The following BOD1L1 variants were observed in gnomAD, a reference collection of about 807,000 sequenced individuals.
BOD1L1 encodes biorientation of chromosomes in cell division 1 like 1.
A neutral mutation model predicts 240.7 loss-of-function variants in BOD1L1; 86 were observed. The ratio of observed to expected loss-of-function variants is 0.36; its 90% CI spans 0.30 to 0.43. BOD1L1 has a LOEUF of 0.43. BOD1L1 is among the 20% of genes least tolerant of loss of function. The probability of loss-of-function intolerance (pLI) is 1.00; values close to 1 mark genes in which losing one functional copy is unlikely to be tolerated. For missense variants in BOD1L1, 3,554 were observed against 3,643.5 expected (o/e 0.98, Z 0.63); for synonymous variants, 1,268 against 1,272.3 (o/e 1.00, Z 0.07).
intron 5 of BOD1L1, among the ~76,000 whole-genome samples, chr4:13,612,215 T>C (rs916221351): frequency 6.6e-6 from 1 of 152,226 alleles, no homozygotes; most frequent in African/African-American, 2.4e-5. Flanking sequence ...AATACCTCTA[T>C]GGTGTTAAAA....
rs141505337 is a variant in BOD1L1, at chr4:13,614,277, T to C, written c.1093A>G (p.Lys365Glu). ...TQKVKDEKQAKEKEVESLKLP... is the reference protein window; with the variant it reads ...TQKVKDEKQAEEKEVESLKLP... ...TTTAAACTCTCTACTTCTTTTTCCT[T>C]TGCTTGTTTTTCATCTTTAACTTTC... The change falls in exon 4 of 26, where the codon AAG becomes GAG. Residue 365 changes from lysine (K) to glutamate (E), a missense_variant. Lys to Glu is a moderately conservative substitution (Grantham distance 56). Around this residue, in one of 2 missense-constraint regions of BOD1L1, gnomAD observed 3,393 missense variants for 3,427.1 expected, o/e 0.99. Transcript: ENST00000040738. The C allele has an allele frequency of 2.6e-5, 40 of 1,546,752 alleles. No homozygotes were observed. The highest frequency in any genetic ancestry group is 3.1e-5 in the Non-Finnish European group (35 of 1,145,740).
At position 13,604,035 on chromosome 4, in the gene BOD1L1, C is replaced by G; in HGVS notation, c.2865G>C (p.Gln955His). 1 of 1,613,904 alleles carries G rather than the reference C, an allele frequency of 6.2e-7. No individual in the cohort carries two copies. Among genetic ancestry groups the G allele is most frequent in the Non-Finnish European group, 8.5e-7 (1 of 1,179,864 alleles). ...GTTTGTCTTCAACTTTAGACTTACG[C>G]TGTTTTTCTGAGTCATTTTCTTCTG... Reference protein sequence around the residue: ...KNTEENDSEKQRKSKVEDKPF... With the variant: ...KNTEENDSEKHRKSKVEDKPF... The change falls in exon 10 of 26, where the codon CAG becomes CAC. Residue 955 changes from glutamine (Q) to histidine (H), a missense_variant. By Grantham distance (24) the Gln-to-His change is conservative (BLOSUM62 0). Around this residue, in one of 2 missense-constraint regions of BOD1L1, gnomAD observed 3,393 missense variants for 3,427.1 expected, o/e 0.99. Coordinates refer to ENST00000040738, the MANE Select transcript of BOD1L1 (RefSeq NM_148894.3).
rs73112011 is a variant in BOD1L1 at position 13,589,326 on chromosome 4, T to C, written c.8210-534A>G. ...AATTACAAGTACACTACATAAGCAC[T>C]GGGAAAGGTATGAGAACATACACAG... On this transcript the variant is annotated intron_variant, in intron 14 of 25. Transcript: ENST00000040738. Among the ~76,000 whole-genome samples the C allele has an allele frequency of 7.0e-3, 1,064 of 152,242 alleles. 11 individuals are homozygous for C. Among genetic ancestry groups the C allele is most frequent in the Middle Eastern group, 0.027 (8 of 294 alleles).
At chr4:13,621,570 A>G (rs1717038616) in intron 1 of BOD1L1, among the ~76,000 whole-genome samples, 1 of 152,204 alleles carries the variant, frequency 6.6e-6, no homozygotes, top group African/African-American at 2.4e-5. Context: ...ACTACATTGT[A>G]TTTTCGGAAG....
At chr4:13,586,316 T>G in intron 17 of BOD1L1, 80 bp downstream of exon 17, 1 of 695,092 alleles carries the variant, frequency 1.4e-6, no homozygotes, top group Non-Finnish European at 2.4e-6. Flanking sequence ...GAAAAAAATA[T>G]TATACTAAGT....
Position 13,600,466 on chromosome 4 carries a change from G to A in BOD1L1, c.6434C>T (p.Ser2145Phe), listed in dbSNP as rs1370913132. The change falls in exon 10 of 26, where the codon TCC (serine) becomes TTC (phenylalanine). Residue 2145 changes from serine (S) to phenylalanine (F), a missense_variant. Around this residue, in one of 2 missense-constraint regions of BOD1L1, gnomAD observed 3,393 missense variants for 3,427.1 expected, o/e 0.99. Coordinates refer to ENST00000040738, the MANE Select transcript of BOD1L1 (RefSeq NM_148894.3). ...TTCGAATTCTTCCCCTATGCTTGTG[G>A]AAATCATGGCACACTCATCTTTCTC... is the stretch of plus-strand genomic sequence containing the variant. ...SEEKDECAMI[S>F]TSIGEEFELP... 1 of 1,613,924 alleles carries A rather than the reference G, an allele frequency of 6.2e-7. No individual in the cohort carries two copies. Among genetic ancestry groups the A allele is most frequent in the Non-Finnish European group, 8.5e-7 (1 of 1,179,906 alleles).
chr4:13,620,093 T>C, intron 1 of BOD1L1, 26 bp from the exon 2 acceptor site: 1 of 1,578,208 alleles, frequency 6.3e-7, no homozygotes, highest in Non-Finnish European at 8.6e-7. Context: ...CGAAGGTAAG[T>C]CTTCAAGGTT....
At chr4:13,621,837 T>A (rs1365145300) in intron 1 of BOD1L1, among the ~76,000 whole-genome samples, 3 of 151,710 alleles carry the variant, frequency 2.0e-5, no homozygotes, top group Non-Finnish European at 4.4e-5. Context: ...TGTCCATTTA[T>A]CCAAAATCGA....
intron 14 of BOD1L1, 94 bp downstream of exon 14, chr4:13,590,292 G>A: frequency 1.7e-6 from 1 of 577,920 alleles, no homozygotes; most frequent in Non-Finnish European, 2.9e-6. Flanking sequence ...GAGAAAGTAT[G>A]TAAAATAATT....
At position 13,627,254 on chromosome 4, in the gene BOD1L1, C is replaced by T. The variant is rs116926615; in HGVS notation, c.243+91G>A. 9 of 614,734 alleles carry T rather than the reference C, an allele frequency of 1.5e-5. No homozygotes were observed. In the East Asian group the frequency reaches 4.7e-4, roughly 32 times the overall value. The allele number at this position is 614,734 out of a possible 1,614,324, so 38.1% of individuals were successfully genotyped here. On this transcript the variant is annotated intron_variant, in intron 1 of 25. Coordinates refer to ENST00000040738, the MANE Select transcript of BOD1L1 (RefSeq NM_148894.3). Reference sequence around the variant, plus strand: ...GCTTTGCACAGTCCGTGGCACACAGCTGCAGCTCCAAGAGGAAGCCACTGC... The same window carrying T: ...GCTTTGCACAGTCCGTGGCACACAGTTGCAGCTCCAAGAGGAAGCCACTGC...
rs936638915 is a variant in BOD1L1 at position 13,603,697 on chromosome 4, C to A, written c.3203G>T (p.Arg1068Ile). The change falls in exon 10 of 26, where the codon AGA becomes ATA. Residue 1068 changes from arginine to isoleucine, a missense_variant. Transcript: ENST00000040738. The part of the protein sequence containing the change: ...NSSLMEKKLS[R>I]RLCENRRGSL... ...TCCTCTCCGATTTTCGCACAACCTT[C>A]TACTTAATTTCTTTTCCATGAGTGA... 3.1e-6 allele frequency: 5 copies of A among 1,613,842 alleles called. No homozygotes were observed. The African/African-American group carries it at 5.3e-5, about 17-fold the overall frequency.
chr4:13,606,678 A>G (rs1416102860), intron 9 of BOD1L1, among the ~76,000 whole-genome samples: 1 of 152,200 alleles, frequency 6.6e-6, no homozygotes, highest in East Asian at 1.9e-4. Flanking sequence ...TAGGATGCCT[A>G]GAAGGTAACA....
In BOD1L1 at chr4:13,595,853, A is replaced by G; in HGVS notation, c.8104+7T>C. On this transcript the variant is annotated splice_region_variant and intron_variant, in intron 12 of 25. Coordinates refer to ENST00000040738, the MANE Select transcript of BOD1L1 (RefSeq NM_148894.3). ...AACAATGTGAACAACCATTCTAAAG[A>G]GCTCACCTATTCCACTTGGCTTTCC... 6.2e-7 allele frequency: 1 copy of G among 1,609,374 alleles called. No homozygotes were observed. The highest frequency in any genetic ancestry group is 8.5e-7 in the Non-Finnish European group (1 of 1,177,566).
chr4:13,595,352 G>T (rs569641060), intron 12 of BOD1L1, among the ~76,000 whole-genome samples: 90 of 152,272 alleles, frequency 5.9e-4, no homozygotes, highest in African/African-American at 2.0e-3. Flanking sequence ...CTGATATTGA[G>T]GATCTCCCTT....
intron 25 of BOD1L1, among the ~76,000 whole-genome samples, chr4:13,573,220 C>T (rs1712359491): frequency 6.6e-6 from 1 of 152,116 alleles, no homozygotes; most frequent in Admixed American, 6.5e-5. Context: ...CCCAAGTAGT[C>T]AACTGCACAA....
chr4:13,615,532 G>A, intron 2 of BOD1L1, 30 bp from the exon 3 acceptor site: 2 of 1,538,340 alleles, frequency 1.3e-6, no homozygotes, highest in Non-Finnish European at 8.8e-7. Flanking sequence ...ATGGAAAGGT[G>A]AAAAAATAAT....
intron 25 of BOD1L1, among the ~76,000 whole-genome samples, chr4:13,571,742 A>G (rs1307697941): frequency 6.6e-6 from 1 of 152,158 alleles, no homozygotes; most frequent in East Asian, 1.9e-4. Flanking sequence ...CATTTTACCA[A>G]CAGCCTCAAG....
intron 25 of BOD1L1, 127 bp from the exon 26 acceptor site, chr4:13,570,255 T>G (rs1712102462): frequency 1.6e-6 from 1 of 621,728 alleles, no homozygotes; most frequent in Non-Finnish European, 2.6e-6. Flanking sequence ...CAGTAACATT[T>G]ATACATGAAA....
Position 13,605,041 on chromosome 4 carries a change from T to C in BOD1L1, c.1859A>G (p.His620Arg), listed in dbSNP as rs777985312. 6.3e-7 allele frequency: 1 copy of C among 1,596,510 alleles called. No homozygotes were observed. Among genetic ancestry groups the C allele is most frequent in the Non-Finnish European group, 8.5e-7 (1 of 1,174,894 alleles). ...EKISSSKELK[H>R]VHAKSEPSKP... ...ACTTGGTTCACTTTTTGCATGAACA[T>C]GCTTCAGCTCCTTTGAAGAAGAAAT... Residue 620 changes from histidine to arginine, a missense_variant, in exon 10 of 26, where the codon CAT becomes CGT. This residue lies in a region of BOD1L1 where 3,393 missense variants were observed against 3,427.1 expected (regional missense o/e 0.99). Coordinates refer to ENST00000040738, the MANE Select transcript of BOD1L1 (RefSeq NM_148894.3).
Sources: allele counts gnomAD v4.1 joint callset (sites outside exome capture counted in the v4.1 genomes callset), GRCh38; gene constraint gnomAD v4.1.1; regional missense constraint gnomAD v4.1.1; transcripts MANE v1.5; gene names NCBI Gene and HGNC (gene_info 2026-07-23, HGNC 2026-07-21).